Variants in COL22A1 observed in about 807,000 individuals in gnomAD.
COL22A1 encodes collagen alpha-1(XXII) chain.
A neutral mutation model predicts 248.9 loss-of-function variants in COL22A1; 221 were observed. The ratio of observed to expected loss-of-function variants is 0.89; its 90% CI spans 0.80 to 0.99. The LOEUF is 0.99. COL22A1 is among the 50% of genes least tolerant of loss of function. The pLI is 0.00. For missense variants in COL22A1, 2,240 were observed against 2,179.0 expected (o/e 1.03, Z -0.56); for synonymous variants, 891 against 793.4 (o/e 1.12, Z -2.07).
chr8:138,826,850 C>T, intron 5 of COL22A1, 69 bp from the exon 6 acceptor site: 1 of 1,572,846 alleles, frequency 6.4e-7, no homozygotes. Flanking sequence ...AGTGAGCCCA[C>T]ACAACCCAGC....
intron 27 of COL22A1, among the ~76,000 whole-genome samples, chr8:138,719,626 G>T (rs1018852284): frequency 6.6e-6 from 1 of 152,122 alleles, no homozygotes; most frequent in Non-Finnish European, 1.5e-5. Flanking sequence ...GGAACATAAG[G>T]GCCCGGGATG....
intron 49 of COL22A1, among the ~76,000 whole-genome samples, chr8:138,632,662 T>C (rs1463574114): frequency 6.6e-6 from 1 of 152,172 alleles, no homozygotes; most frequent in Admixed American, 6.5e-5. Flanking sequence ...GGAAATTTGA[T>C]ATAACTGTAG....
intron 50 of COL22A1, among the ~76,000 whole-genome samples, chr8:138,627,297 G>A (rs1211959754): frequency 6.6e-6 from 1 of 152,156 alleles, no homozygotes; most frequent in Non-Finnish European, 1.5e-5. Flanking sequence ...CAGTGATCTA[G>A]GACTGGAGTC....
intron 34 of COL22A1, 93 bp downstream of exon 34, chr8:138,694,415 G>A: frequency 2.3e-6 from 3 of 1,301,934 alleles, no homozygotes; most frequent in East Asian, 4.6e-5. Flanking sequence ...CAAAATGCCA[G>A]GGGAGAGAAC....
rs367651102 is a variant in COL22A1 at position 138,902,598 on chromosome 8, C to T, written c.-73+11021G>A. Among the ~76,000 whole-genome samples, 115 of 150,956 alleles carry T rather than the reference C, an allele frequency of 7.6e-4. 3 individuals are homozygous for T. In the East Asian group the frequency reaches 0.019, roughly 25 times the overall value. On this transcript the variant is annotated intron_variant, in intron 1 of 64. Transcript: ENST00000303045. ...GTGGGCGCCTGTAGTCCCAGCTACT[C>T]GGGAGGTTGAGGCAAGAGAATGGCG...
intron 47 of COL22A1, among the ~76,000 whole-genome samples, chr8:138,644,888 G>A (rs1822058684): frequency 6.6e-6 from 1 of 152,124 alleles, no homozygotes; most frequent in Non-Finnish European, 1.5e-5. Context: ...CCAGCCTGTG[G>A]GACGGACGGC....
chr8:138,899,876 T>C (rs1586997512), intron 1 of COL22A1, among the ~76,000 whole-genome samples: 1 of 152,168 alleles, frequency 6.6e-6, no homozygotes, highest in Non-Finnish European at 1.5e-5. Flanking sequence ...ACACTTACCA[T>C]TGGCACAAAG....
At chr8:138,728,795 A>T (rs1042141201) in intron 23 of COL22A1, among the ~76,000 whole-genome samples, 1 of 152,080 alleles carries the variant, frequency 6.6e-6, no homozygotes, top group Admixed American at 6.5e-5. Context: ...TCACAAATGC[A>T]GGTACACAGA....
chr8:138,627,154 A>G (rs1050301195), intron 50 of COL22A1, among the ~76,000 whole-genome samples: 3 of 152,222 alleles, frequency 2.0e-5, no homozygotes, highest in African/African-American at 7.2e-5. Flanking sequence ...ACACATAAGA[A>G]AATTAAGTGG....
intron 47 of COL22A1, among the ~76,000 whole-genome samples, chr8:138,643,296 A>C (rs1033508294): frequency 2.0e-5 from 3 of 151,904 alleles, no homozygotes; most frequent in Admixed American, 6.6e-5. Flanking sequence ...GATATCTATA[A>C]CTCCTGATGC....
In COL22A1 at chr8:138,725,400, G is replaced by T. The variant is rs760204618; in HGVS notation, c.2180C>A (p.Pro727Gln). Residue 727 changes from proline (P) to glutamine (Q), a missense_variant, in exon 24 of 65, where the codon CCG (proline) becomes CAG (glutamine). Transcript: ENST00000303045. ...GPPGVPGPPGPGGSPGLPGEI... is the reference protein window; with the variant it reads ...GPPGVPGPPGQGGSPGLPGEI... ...AGCCAGTCTTACCGGAGAACCTCCC[G>T]GTCCAGGGGGGCCTGGGACACCAGG... The T allele has an allele frequency of 6.2e-7, 1 of 1,614,106 alleles. No homozygotes were observed. Among genetic ancestry groups the T allele is most frequent in the Admixed American group, 1.7e-5 (1 of 60,016 alleles).
intron 64 of COL22A1, among the ~76,000 whole-genome samples, chr8:138,589,844 G>A (rs1314864748): frequency 6.6e-6 from 1 of 152,050 alleles, no homozygotes; most frequent in East Asian, 1.9e-4. Flanking sequence ...TTAACCCTCA[G>A]CCCCAATTCA....
In COL22A1 at chr8:138,901,426, G is replaced by T. The variant is rs186996699; in HGVS notation, c.-73+12193C>A. Among the ~76,000 whole-genome samples, 222 of 143,622 alleles carry T rather than the reference G, an allele frequency of 1.5e-3. 1 individual carries two copies. The highest frequency in any genetic ancestry group is 4.6e-3 in the African/African-American group (182 of 39,480). The allele number at this position is 143,622 out of a possible 152,430, so 94.2% of individuals were successfully genotyped here. On this transcript the variant is annotated intron_variant, in intron 1 of 64. Coordinates refer to ENST00000303045, the MANE Select transcript of COL22A1 (RefSeq NM_152888.3). ...CTATCCCCTAGGCTGGAGTGCAGTG[G>T]TGTGATCACAGCTCACTGCAGCCTC...
intron 4 of COL22A1, among the ~76,000 whole-genome samples, chr8:138,838,946 T>C (rs1445618857): frequency 6.6e-6 from 1 of 152,066 alleles, no homozygotes; most frequent in Non-Finnish European, 1.5e-5. Context: ...AAGGTCGACC[T>C]GGATGGAACT....
chr8:138,761,258 T>C (rs952335899), intron 17 of COL22A1, among the ~76,000 whole-genome samples: 6 of 152,134 alleles, frequency 3.9e-5, no homozygotes, highest in African/African-American at 1.4e-4. Context: ...GTATTTCCAG[T>C]GACAAGAGCC....
rs562871436 is a variant in COL22A1, at chr8:138,688,803, C to T, written c.2862+114G>A. 485 of 825,538 alleles carry T rather than the reference C, an allele frequency of 5.9e-4. 6 individuals are homozygous for T. The South Asian group carries it at 6.7e-3, about 11-fold the overall frequency. The allele number at this position is 825,538 out of a possible 1,614,324, so 51.1% of individuals were successfully genotyped here. ...CTTCCTCTCCCTCCTACTTAGTAAA[C>T]CCCTTCTGATTGCTGGTTCCTAAAC... On this transcript the variant is annotated intron_variant, in intron 37 of 64. Transcript: ENST00000303045.
At chr8:138,676,454 A>AAAGGAAGAAAGG in intron 41 of COL22A1, 104 bp downstream of exon 41, 1 of 408,508 alleles carries the variant, frequency 2.4e-6, no homozygotes, top group Admixed American at 5.2e-5. Context: ...AGAAAGAAAG[A>AAAGGAAGAAAGG]AAGGAAGAAA....
At chr8:138,804,869 T>A (rs1817341042) in intron 10 of COL22A1, among the ~76,000 whole-genome samples, 1 of 149,370 alleles carries the variant, frequency 6.7e-6, no homozygotes, top group Non-Finnish European at 1.5e-5. Flanking sequence ...ATGGTGTGTG[T>A]GTATATGTGA....
chr8:138,910,692 C>CTTTCTCAT (rs1212033873), intron 1 of COL22A1, among the ~76,000 whole-genome samples: 5 of 152,066 alleles, frequency 3.3e-5, no homozygotes, highest in Non-Finnish European at 7.4e-5. Context: ...TCCTGTGGGC[C>CTTTCTCAT]TTTCTCATTT....
Sources: allele counts gnomAD v4.1 joint callset (sites outside exome capture counted in the v4.1 genomes callset), GRCh38; gene constraint gnomAD v4.1.1; transcripts MANE v1.5; gene names NCBI Gene and HGNC (gene_info 2026-07-23, HGNC 2026-07-21).